The following NRG1 variants were observed in gnomAD, a reference collection of about 807,000 sequenced individuals.
The protein encoded by NRG1 is neuregulin 1, also known as pro-neuregulin-1, membrane-bound isoform.
A neutral mutation model predicts 63.8 loss-of-function variants in NRG1; 18 were observed. The observed-to-expected ratio is 0.28, with a 90% CI of 0.19 to 0.42. NRG1 has a LOEUF of 0.42. Ranked by LOEUF, NRG1 falls within the 10% of genes least tolerant of loss-of-function variation. The pLI, the probability that NRG1 is intolerant of heterozygous loss-of-function variation, is 1.00. For synonymous variants in NRG1, 302 were observed against 301.3 expected (o/e 1.00, Z -0.02); for missense variants, 762 against 814.7 (o/e 0.94, Z 0.79).
intron 1 of NRG1, among the ~76,000 whole-genome samples, chr8:31,765,928 G>A (rs1443188684): frequency 6.6e-6 from 1 of 152,168 alleles, no homozygotes; most frequent in Non-Finnish European, 1.5e-5. Flanking sequence ...GAAATGCTTA[G>A]TCAATGTAAT....
At chr8:32,441,708 T>C (rs1291115726) in intron 1 of NRG1, among the ~76,000 whole-genome samples, 5 of 152,148 alleles carry the variant, frequency 3.3e-5, no homozygotes, top group African/African-American at 1.2e-4. Flanking sequence ...AGAGAAGCTT[T>C]ACTCTGGAGT....
At chr8:32,773,151 T>C (rs140895772) in intron 7 of NRG1, among the ~76,000 whole-genome samples, 4 of 152,302 alleles carry the variant, frequency 2.6e-5, no homozygotes, top group Non-Finnish European at 4.4e-5. Flanking sequence ...AGAAATTGTA[T>C]TGAACTAGAA....
chr8:31,967,692 A>T (rs1018699001), intron 1 of NRG1, among the ~76,000 whole-genome samples: 7 of 152,326 alleles, frequency 4.6e-5, no homozygotes, highest in African/African-American at 1.4e-4. Context: ...AGTGACAGCA[A>T]GAAGGCAGCA....
At chr8:32,485,217 C>T (rs554086013) in intron 1 of NRG1, among the ~76,000 whole-genome samples, 3 of 151,676 alleles carry the variant, frequency 2.0e-5, no homozygotes, top group African/African-American at 7.3e-5. Flanking sequence ...TGGGTTCAAG[C>T]GATACTCCTG....
chr8:32,304,970 A>G (rs1449805158), intron 1 of NRG1, among the ~76,000 whole-genome samples: 2 of 152,078 alleles, frequency 1.3e-5, no homozygotes, highest in African/African-American at 4.8e-5. Flanking sequence ...AGCCAAGAAC[A>G]TGCCACTGCA....
intron 1 of NRG1, among the ~76,000 whole-genome samples, chr8:32,510,097 A>AAATAATAATAATAATAAT (rs57367955): frequency 2.2e-5 from 3 of 139,108 alleles, no homozygotes; most frequent in African/African-American, 7.8e-5. Flanking sequence ...TCCTAGACAA[A>AAATAATAATAATAATAAT]AATAATAATA....
chr8:32,562,430 G>A (rs1330315512), intron 1 of NRG1, among the ~76,000 whole-genome samples: 1 of 151,840 alleles, frequency 6.6e-6, no homozygotes, highest in Non-Finnish European at 1.5e-5. Context: ...TTTTAATTTT[G>A]TAGAGATGGG....
At position 32,725,342 on chromosome 8, in the gene NRG1, C is replaced by A. The variant is rs113397273; in HGVS notation, c.503-2607C>A. On this transcript the variant is annotated intron_variant, in intron 5 of 11. Transcript: ENST00000356819. ...GTGGTGACAGCACACCACAGGTGGC[C>A]CATTCAGCACTGTCATCTGGGACAG... Among the ~76,000 whole-genome samples, 123 of 152,094 alleles carry A rather than the reference C, an allele frequency of 8.1e-4. 1 individual carries two copies. Among genetic ancestry groups the A allele is most frequent in the African/African-American group, 2.9e-3 (120 of 41,492 alleles).
intron 1 of NRG1, among the ~76,000 whole-genome samples, chr8:31,810,327 A>G (rs1410769098): frequency 1.3e-5 from 2 of 152,104 alleles, no homozygotes; most frequent in Non-Finnish European, 2.9e-5. Flanking sequence ...AACATAAATC[A>G]AGTTCCATCA....
At chr8:31,930,044 A>G (rs1834737269) in intron 1 of NRG1, among the ~76,000 whole-genome samples, 1 of 152,206 alleles carries the variant, frequency 6.6e-6, no homozygotes, top group Non-Finnish European at 1.5e-5. Context: ...TTGCCAGGTC[A>G]GTAGGACAGA....
chr8:31,863,819 A>G (rs933252694), intron 1 of NRG1, among the ~76,000 whole-genome samples: 24 of 152,010 alleles, frequency 1.6e-4, no homozygotes, highest in Non-Finnish European at 1.3e-4. Flanking sequence ...CTTTTTCAGG[A>G]TAGGTTAGAT....
At chr8:32,319,580 G>T (rs1259039843) in intron 1 of NRG1, among the ~76,000 whole-genome samples, 1 of 152,142 alleles carries the variant, frequency 6.6e-6, no homozygotes, top group African/African-American at 2.4e-5. Flanking sequence ...TGGGAAAATT[G>T]TTGGAGAATA....
chr8:32,548,140 G>A (rs1405571570), upstream of NRG1: 14 of 862,290 alleles, frequency 1.6e-5, no homozygotes, highest in Non-Finnish European at 2.0e-5. Context: ...CGGGAGCGCC[G>A]AGCCCAGGCT....
In NRG1 at chr8:32,334,380, CG is replaced by C. The variant is rs1803008262; in HGVS notation, c.38-261445del. Among the ~76,000 whole-genome samples the C allele has an allele frequency of 4.6e-5, 7 of 152,254 alleles. No homozygotes were observed. The South Asian group carries it at 1.4e-3, about 32-fold the overall frequency. ...TGACACTTTCCAGAGGCCACTTCCA[CG>C]GGAAAGGAGGAGCAAAGTCTCTGAT... is the stretch of plus-strand genomic sequence containing the variant. On this transcript the variant is annotated intron_variant, in intron 1 of 10. Coordinates refer to the NRG1 transcript ENST00000519301.
At chr8:32,038,502 G>A (rs1258805548) in intron 1 of NRG1, among the ~76,000 whole-genome samples, 3 of 152,038 alleles carry the variant, frequency 2.0e-5, no homozygotes. Flanking sequence ...AGATATGAAA[G>A]TATGTATCAT....
At chr8:31,899,446 G>T (rs776379) in intron 1 of NRG1, among the ~76,000 whole-genome samples, 65,328 of 151,808 alleles carry the variant, frequency 0.43, 14,371 homozygotes, top group East Asian at 0.69. Context: ...ATTTTCATCC[G>T]TTGGCCAAGC....
intron 1 of NRG1, among the ~76,000 whole-genome samples, chr8:31,949,023 C>T (rs1803057996): frequency 6.6e-6 from 1 of 151,998 alleles, no homozygotes; most frequent in African/African-American, 2.4e-5. Flanking sequence ...ATTATGTTTT[C>T]CAATTAAGAA....
rs1803688871 is a variant in NRG1 at position 31,640,787 on chromosome 8, CGCGGGCA to C, written c.37+1362_37+1368del. Reference sequence around the variant, plus strand: ...CGGCGAGGAGGGCGCATCCCGGGCGCGCGGGCAGCGGGGCTCGACGGCCGCCCGAGCA... The same window carrying C: ...CGGCGAGGAGGGCGCATCCCGGGCGCGCGGGGCTCGACGGCCGCCCGAGCA... On this transcript the variant is annotated intron_variant, in intron 1 of 10. Coordinates refer to the NRG1 transcript ENST00000519301. This position sits in a 1 kb window ranked among gnomAD's most constrained non-coding sequence, Gnocchi z 6.3. 2 of 1,439,902 alleles carry C rather than the reference CGCGGGCA, an allele frequency of 1.4e-6. No homozygotes were observed. Among genetic ancestry groups the C allele is most frequent in the Non-Finnish European group, 1.8e-6 (2 of 1,096,270 alleles). The allele number at this position is 1,439,902 out of a possible 1,614,324, so 89.2% of individuals were successfully genotyped here.
intron 1 of NRG1, among the ~76,000 whole-genome samples, chr8:32,006,428 C>G (rs1813778506): frequency 6.6e-6 from 1 of 151,976 alleles, no homozygotes; most frequent in African/African-American, 2.4e-5. Flanking sequence ...TCTTTTCATT[C>G]CCATGATTGT....
Sources: allele counts gnomAD v4.1 joint callset (sites outside exome capture counted in the v4.1 genomes callset), GRCh38; gene constraint gnomAD v4.1.1; non-coding constraint Gnocchi (gnomAD v3.1); transcripts MANE v1.5; gene names NCBI Gene and HGNC (gene_info 2026-07-23, HGNC 2026-07-21).